ASTN2: variants seen among roughly 807,000 people sequenced by gnomAD.
ASTN2 encodes astrotactin 2.
ASTN2 carries 54 observed loss-of-function variants against 139.8 expected under a neutral mutation model. The ratio of observed to expected loss-of-function variants is 0.39; its 90% CI spans 0.31 to 0.48. The LOEUF is 0.48. Ranked by LOEUF, ASTN2 falls within the 20% of genes least tolerant of loss-of-function variation. ASTN2 has a pLI of 0.95. For synonymous variants in ASTN2, 756 were observed against 719.5 expected, an observed-to-expected ratio of 1.05 and a Z score of -0.81; for missense variants, 1,565 against 1,725.1, an observed-to-expected ratio of 0.91 and a Z score of 1.64.
At chr9:116,870,299 C>T (rs1833127807) in intron 10 of ASTN2, among the ~76,000 whole-genome samples, 1 of 152,170 alleles carries the variant, frequency 6.6e-6, no homozygotes, top group Non-Finnish European at 1.5e-5. Flanking sequence ...ACTCAGCCTT[C>T]TCATCTGTAA....
intron 19 of ASTN2, among the ~76,000 whole-genome samples, chr9:116,503,752 G>T (rs778088506): frequency 6.6e-6 from 1 of 152,160 alleles, no homozygotes; most frequent in Non-Finnish European, 1.5e-5. Flanking sequence ...TTCGTGTGGT[G>T]TAAGTAATCT....
chr9:117,269,443 T>G (rs1367622289), intron 2 of ASTN2, among the ~76,000 whole-genome samples: 3 of 152,148 alleles, frequency 2.0e-5, no homozygotes, highest in Non-Finnish European at 4.4e-5. Flanking sequence ...AGGGGACACA[T>G]CACCCCACAA....
chr9:116,450,400 G>T (rs1029936344), intron 20 of ASTN2, among the ~76,000 whole-genome samples: 3 of 152,172 alleles, frequency 2.0e-5, no homozygotes, highest in African/African-American at 7.2e-5. Flanking sequence ...TAATCCCAAG[G>T]TTAGAAATCA....
chr9:116,956,094 C>T lies in ASTN2; in HGVS notation c.1889+19114G>A, dbSNP rs200556622. The stretch of plus-strand genomic sequence containing the variant: ...CAGAACTCTTTTTTCTTTTTCTTTT[C>T]TTTTTTTTTTTTTTTTTTGAGATGG... On this transcript the variant is annotated intron_variant, in intron 10 of 22. Coordinates refer to ENST00000313400, the MANE Select transcript of ASTN2 (RefSeq NM_001365068.1). 2.2e-4 allele frequency among the ~76,000 whole-genome samples: 26 copies of T among 119,120 alleles called. No homozygotes were observed. In the South Asian group the frequency reaches 2.5e-3, roughly 11 times the overall value. The allele number at this position is 119,120 out of a possible 152,430, so 78.1% of individuals were successfully genotyped here.
At chr9:116,577,031 T>A (rs1207256740) in intron 19 of ASTN2, among the ~76,000 whole-genome samples, 3 of 152,212 alleles carry the variant, frequency 2.0e-5, no homozygotes, top group African/African-American at 4.8e-5. Context: ...GTGCATTTTC[T>A]TACTTAATCC....
intron 10 of ASTN2, among the ~76,000 whole-genome samples, chr9:116,951,448 C>T (rs1457367842): frequency 6.7e-6 from 1 of 149,764 alleles, no homozygotes; most frequent in Non-Finnish European, 1.5e-5. Context: ...CAGTTGGTTC[C>T]CATTTATAGT....
intron 7 of ASTN2, among the ~76,000 whole-genome samples, chr9:116,994,676 G>T (rs1423833959): frequency 6.6e-6 from 1 of 151,946 alleles, no homozygotes; most frequent in East Asian, 1.9e-4. Flanking sequence ...AATTTAAATG[G>T]CCAATAATGG....
chr9:116,929,847 C>T (rs576742950), intron 10 of ASTN2, among the ~76,000 whole-genome samples: 1 of 152,274 alleles, frequency 6.6e-6, no homozygotes, highest in East Asian at 1.9e-4. Context: ...ATGGAGGCAT[C>T]GGGCAAATTA....
intron 5 of ASTN2, among the ~76,000 whole-genome samples, chr9:117,086,745 G>A (rs1269703168): frequency 6.6e-6 from 1 of 152,030 alleles, no homozygotes; most frequent in Non-Finnish European, 1.5e-5. Context: ...TCCAGGCCCT[G>A]TAATAACCAG....
intron 2 of ASTN2, among the ~76,000 whole-genome samples, chr9:117,237,222 C>T (rs542011176): frequency 6.6e-5 from 10 of 152,116 alleles, no homozygotes; most frequent in African/African-American, 2.2e-4. Flanking sequence ...TTTGCACCAA[C>T]CTAATAGTTT....
intron 10 of ASTN2, among the ~76,000 whole-genome samples, chr9:116,959,856 C>T: frequency 6.6e-6 from 1 of 152,080 alleles, no homozygotes; most frequent in East Asian, 1.9e-4. Context: ...AAATGGGCAG[C>T]GAGTTCCGGA....
chr9:116,627,557 T>C (rs979660650), intron 17 of ASTN2, among the ~76,000 whole-genome samples: 7 of 152,226 alleles, frequency 4.6e-5, no homozygotes, highest in Admixed American at 1.3e-4. Context: ...AGCACTTTAA[T>C]ATACATTATA....
At chr9:117,147,790 G>A (rs893433643) in intron 3 of ASTN2, among the ~76,000 whole-genome samples, 2 of 152,292 alleles carry the variant, frequency 1.3e-5, no homozygotes, top group Non-Finnish European at 1.5e-5. Context: ...GCTTAGGGAC[G>A]ATAGAACTGG....
chr9:117,300,583 T>C (rs890376655), intron 1 of ASTN2, among the ~76,000 whole-genome samples: 1 of 152,182 alleles, frequency 6.6e-6, no homozygotes, highest in Non-Finnish European at 1.5e-5. Context: ...CAGTTAATGC[T>C]CCTCATTTAT....
At chr9:117,218,247 C>A (rs1047424459) in intron 2 of ASTN2, among the ~76,000 whole-genome samples, 3 of 152,194 alleles carry the variant, frequency 2.0e-5, no homozygotes, top group African/African-American at 4.8e-5. Flanking sequence ...CCCATTGATT[C>A]TTTAGCCCTT....
intron 3 of ASTN2, among the ~76,000 whole-genome samples, chr9:117,210,743 G>GAC (rs201519850): frequency 6.6e-6 from 1 of 151,608 alleles, no homozygotes; most frequent in Non-Finnish European, 1.5e-5. Context: ...ACCAAACAAG[G>GAC]ACACACACAC....
At chr9:116,833,009 T>G (rs991384316) in intron 11 of ASTN2, among the ~76,000 whole-genome samples, 9 of 136,016 alleles carry the variant, frequency 6.6e-5, no homozygotes, top group African/African-American at 2.6e-4. Flanking sequence ...GGTATATTTC[T>G]CCAGTGAAAC....
At chr9:116,557,048 C>T (rs993965172) in intron 19 of ASTN2, among the ~76,000 whole-genome samples, 9 of 151,450 alleles carry the variant, frequency 5.9e-5, no homozygotes, top group East Asian at 1.9e-4. Context: ...GGTGAAACCC[C>T]GCCTCTACTA....
chr9:117,239,297 A>T (rs928213482), intron 2 of ASTN2, among the ~76,000 whole-genome samples: 1 of 152,168 alleles, frequency 6.6e-6, no homozygotes, highest in Non-Finnish European at 1.5e-5. Context: ...GAAATGAATA[A>T]GAAGTGGCCC....
Sources: allele counts gnomAD v4.1 joint callset (sites outside exome capture counted in the v4.1 genomes callset), GRCh38; gene constraint gnomAD v4.1.1; transcripts MANE v1.5; gene names NCBI Gene and HGNC (gene_info 2026-07-23, HGNC 2026-07-21).